Variants in C3orf70 observed in about 807,000 individuals in gnomAD.
C3orf70 encodes the protein UPF0524 protein C3orf70.
A neutral mutation model predicts 20.7 loss-of-function variants in C3orf70; 15 were observed. That is an observed-to-expected ratio of 0.72 (90% CI 0.48 to 1.11). The LOEUF (loss-of-function observed/expected upper bound fraction) is 1.11. C3orf70 is among the 50% of genes most tolerant of loss of function. The probability of loss-of-function intolerance (pLI) is 0.00; values close to 1 mark genes in which losing one functional copy is unlikely to be tolerated. For missense variants in C3orf70, 332 were observed against 317.6 expected (o/e 1.05, Z -0.34); for synonymous variants, 161 against 125.7 (o/e 1.28, Z -1.88).
intron 1 of C3orf70, among the ~76,000 whole-genome samples, chr3:185,090,821 T>G (rs1715550893): frequency 6.6e-6 from 1 of 152,182 alleles, no homozygotes; most frequent in African/African-American, 2.4e-5. Context: ...CACCAATATT[T>G]TTGTACTTTG....
In C3orf70 at chr3:185,128,662, T is replaced by C. The variant is rs189560551; in HGVS notation, c.196+23966A>G. Among the ~76,000 whole-genome samples the C allele has an allele frequency of 1.2e-4, 19 of 152,314 alleles. No individual in the cohort carries two copies. In the East Asian group the frequency reaches 3.7e-3, roughly 29 times the overall value. On this transcript the variant is annotated intron_variant, in intron 1 of 1. Transcript: ENST00000335012. ...CTTAGTCCAGAAAAACATAACTTTG[T>C]TTTATGATAATGTTGACAATTTCTT...
chr3:185,103,031 G>A (rs981790817), intron 1 of C3orf70, among the ~76,000 whole-genome samples: 1 of 152,092 alleles, frequency 6.6e-6, no homozygotes, highest in African/African-American at 2.4e-5. Context: ...GATCACCTGA[G>A]GTCAGGGGTT....
chr3:185,136,707 G>T (rs919488085), intron 1 of C3orf70, among the ~76,000 whole-genome samples: 1 of 152,072 alleles, frequency 6.6e-6, no homozygotes, highest in African/African-American at 2.4e-5. Flanking sequence ...CTGGGCGACA[G>T]AGCGAAGACT....
At chr3:185,103,500 A>T (rs1413507811) in intron 1 of C3orf70, among the ~76,000 whole-genome samples, 1 of 71,614 alleles carries the variant, frequency 1.4e-5, no homozygotes, top group Non-Finnish European at 3.4e-5. Flanking sequence ...TAAATTTACA[A>T]GAAAAAAAAA....
At chr3:185,145,454 TATTTC>T (rs1716840470) in intron 1 of C3orf70, among the ~76,000 whole-genome samples, 1 of 110,250 alleles carries the variant, frequency 9.1e-6, no homozygotes, top group Non-Finnish European at 1.9e-5. Context: ...ATTTTAATTT[TATTTC>T]ATTCAAATAC....
intron 1 of C3orf70, among the ~76,000 whole-genome samples, chr3:185,106,316 T>C (rs979464183): frequency 6.6e-6 from 1 of 152,148 alleles, no homozygotes; most frequent in Non-Finnish European, 1.5e-5. Context: ...AGGCCTGTGA[T>C]GGTATTGGAG....
At chr3:185,141,801 AAC>A (rs66562532) in intron 1 of C3orf70, among the ~76,000 whole-genome samples, 5,924 of 146,246 alleles carry the variant, frequency 0.041, 162 homozygotes, top group East Asian at 0.087. Context: ...ATGCAAAGGA[AAC>A]ACACACACAC....
At chr3:185,106,070 T>C (rs987520008) in intron 1 of C3orf70, among the ~76,000 whole-genome samples, 3 of 152,182 alleles carry the variant, frequency 2.0e-5, no homozygotes, top group African/African-American at 7.2e-5. Context: ...CATATCTTTC[T>C]TTTCCAGAGG....
At chr3:185,101,059 A>G (rs1288754545) in intron 1 of C3orf70, among the ~76,000 whole-genome samples, 1 of 152,164 alleles carries the variant, frequency 6.6e-6, no homozygotes, top group African/African-American at 2.4e-5. Context: ...CCAATTAAAA[A>G]AAGCCCAGGA....
intron 1 of C3orf70, among the ~76,000 whole-genome samples, chr3:185,117,848 AC>A (rs1190231612): frequency 6.6e-6 from 1 of 152,170 alleles, no homozygotes; most frequent in African/African-American, 2.4e-5. Context: ...ATACCCAAGA[AC>A]CTACATTTTC....
chr3:185,085,794 T>TCCCTCCAGA (rs1561325814), intron 1 of C3orf70, among the ~76,000 whole-genome samples: 1 of 150,862 alleles, frequency 6.6e-6, no homozygotes, highest in Non-Finnish European at 1.5e-5. Context: ...CCTTTAAGCC[T>TCCCTCCAGA]CCCTCCAGAC....
intron 1 of C3orf70, among the ~76,000 whole-genome samples, chr3:185,099,496 G>C (rs183520315): frequency 1.9e-4 from 29 of 152,250 alleles, no homozygotes; most frequent in Non-Finnish European, 1.3e-4. Flanking sequence ...GGAGAAATAA[G>C]ATCCTTTTCA....
Position 185,077,097 on chromosome 3 carries a change from TAGAG to T in C3orf70, c.*5906_*5909del, listed in dbSNP as rs537097756. Among the ~76,000 whole-genome samples the T allele has an allele frequency of 3.3e-5, 5 of 151,600 alleles. No individual in the cohort carries two copies. In the South Asian group the frequency reaches 1.0e-3, roughly 32 times the overall value. ...AAGAAGCAATGGCCTCATCAGAGCATAGAGATATTTGCAGAGACATGGTATAGGG... is the reference window on the plus strand; with the variant it reads ...AAGAAGCAATGGCCTCATCAGAGCATATATTTGCAGAGACATGGTATAGGG... On this transcript the variant is annotated 3_prime_UTR_variant, in exon 2 of 2. Coordinates refer to ENST00000335012, the MANE Select transcript of C3orf70 (RefSeq NM_001025266.3).
chr3:185,077,870 G>C lies in C3orf70; in HGVS notation c.*5137C>G, dbSNP rs978787766. Among the ~76,000 whole-genome samples the C allele has an allele frequency of 2.0e-5, 3 of 151,768 alleles. No homozygotes were observed. Among genetic ancestry groups the C allele is most frequent in the African/African-American group, 7.3e-5 (3 of 41,348 alleles). ...GAGTTATCATGAGTGGTGACTCTGA[G>C]TAGATACTGCGGACAGTACAGTTTA... On this transcript the variant is annotated 3_prime_UTR_variant, in exon 2 of 2. Coordinates refer to ENST00000335012, the MANE Select transcript of C3orf70 (RefSeq NM_001025266.3).
In C3orf70 at chr3:185,077,451, T is replaced by C. The variant is rs1715219374; in HGVS notation, c.*5556A>G. Reference sequence around the variant, plus strand: ...TTTAATCTCCCTCACAGGGTTGCTGTGGAGATTATGCATAGAAAGCTTAAG... The same window carrying C: ...TTTAATCTCCCTCACAGGGTTGCTGCGGAGATTATGCATAGAAAGCTTAAG... On this transcript the variant is annotated 3_prime_UTR_variant, in exon 2 of 2. Transcript: ENST00000335012. Among the ~76,000 whole-genome samples the C allele has an allele frequency of 6.6e-6, 1 of 152,140 alleles. No homozygotes were observed. Among genetic ancestry groups the C allele is most frequent in the Non-Finnish European group, 1.5e-5 (1 of 68,020 alleles).
intron 1 of C3orf70, among the ~76,000 whole-genome samples, chr3:185,090,540 A>T (rs931568019): frequency 3.9e-5 from 6 of 152,190 alleles, no homozygotes; most frequent in African/African-American, 1.4e-4. Context: ...AGAAAGGTAA[A>T]TCTACTGAAA....
At chr3:185,087,705 T>C (rs1196327267) in intron 1 of C3orf70, among the ~76,000 whole-genome samples, 1 of 152,126 alleles carries the variant, frequency 6.6e-6, no homozygotes, top group Non-Finnish European at 1.5e-5. Context: ...GTTTGAGTTT[T>C]ACAAGATGAA....
intron 1 of C3orf70, among the ~76,000 whole-genome samples, chr3:185,145,812 G>GA (rs1446994692): frequency 1.3e-5 from 2 of 152,194 alleles, no homozygotes; most frequent in African/African-American, 2.4e-5. Context: ...AAACACATAC[G>GA]AAAAGATTAC....
rs115366797 is a variant in C3orf70, at chr3:185,150,398, G to A, written c.196+2230C>T. Among the ~76,000 whole-genome samples, 1,342 of 152,166 alleles carry A rather than the reference G, an allele frequency of 8.8e-3. 19 individuals are homozygous for A. Among genetic ancestry groups the A allele is most frequent in the African/African-American group, 0.03 (1,248 of 41,486 alleles). On this transcript the variant is annotated intron_variant, in intron 1 of 1. Transcript: ENST00000335012. ...CAGCTTATAAATATATTAAGAAAGA[G>A]CCAGGATCTAAAAACACACACACAC...
Sources: gnomAD v4.1 joint callset for allele counts (sites outside exome capture counted in the v4.1 genomes callset) on GRCh38, gnomAD v4.1.1 for gene constraint, MANE v1.5 for transcripts, NCBI Gene and HGNC (gene_info 2026-07-23, HGNC 2026-07-21) for gene names.